SATB1: variants seen among roughly 807,000 people sequenced by gnomAD.
The protein encoded by SATB1 is SATB homeobox 1.
Under a neutral mutation model 86.9 loss-of-function variants are expected in SATB1, and 11 were observed. The observed-to-expected ratio is 0.13, with a 90% CI of 0.08 to 0.21. SATB1 has a LOEUF of 0.21. Ranked by LOEUF, SATB1 falls within the 10% of genes least tolerant of loss-of-function variation. The probability of loss-of-function intolerance (pLI) is 1.00; values close to 1 mark genes in which losing one functional copy is unlikely to be tolerated. For missense variants in SATB1, 551 were observed against 937.6 expected, an observed-to-expected ratio of 0.59 and a Z score of 5.39; for synonymous variants, 357 against 357.2, an observed-to-expected ratio of 1.00 and a Z score of 0.01.
intron 1 of SATB1, among the ~76,000 whole-genome samples, chr3:18,438,296 C>G (rs942889952): frequency 3.9e-5 from 6 of 152,048 alleles, no homozygotes; most frequent in Admixed American, 2.0e-4. Context: ...AAAGAATGCC[C>G]CCTCACACAG....
intron 9 of SATB1, among the ~76,000 whole-genome samples, chr3:18,356,558 G>C (rs549408946): frequency 6.6e-6 from 1 of 151,734 alleles, no homozygotes; most frequent in South Asian, 2.1e-4. Context: ...TCATTTTAAA[G>C]GAAAAATTAG....
intron 9 of SATB1, among the ~76,000 whole-genome samples, chr3:18,363,349 A>G (rs921590595): frequency 1.2e-4 from 19 of 152,146 alleles, no homozygotes; most frequent in African/African-American, 4.1e-4. Flanking sequence ...TGAAAGACCC[A>G]AATCTTGTGA....
At chr3:18,435,158 T>G (rs1260663906) in intron 2 of SATB1, 1 of 152,156 alleles carries the variant, frequency 6.6e-6, no homozygotes, top group Non-Finnish European at 1.5e-5. Flanking sequence ...ATATTAAATA[T>G]TAATAACCTA....
chr3:18,365,102 T>C (rs1442951427), intron 9 of SATB1, among the ~76,000 whole-genome samples: 1 of 152,200 alleles, frequency 6.6e-6, no homozygotes, highest in Non-Finnish European at 1.5e-5. Flanking sequence ...TGAGATTTCA[T>C]TAATTAAATG....
rs1315954149 is a variant in SATB1, at chr3:18,424,341, C to G, written c.-739G>C. Reference sequence around the variant, plus strand: ...CACCCCCACCCCCCTCGCCAACAATCGCGACTAATATTAACAAACCTTAAA... The same window carrying G: ...CACCCCCACCCCCCTCGCCAACAATGGCGACTAATATTAACAAACCTTAAA... On this transcript the variant is annotated 5_prime_UTR_variant, in exon 1 of 11. Coordinates refer to ENST00000338745, the MANE Select transcript of SATB1 (RefSeq NM_002971.6). 6.9e-6 allele frequency: 1 copy of G among 144,836 alleles called. No individual in the cohort carries two copies. Among genetic ancestry groups the G allele is most frequent in the Non-Finnish European group, 1.5e-5 (1 of 66,762 alleles). 9.0% of individuals were successfully genotyped at this position (144,836 alleles called of 1,614,324 possible). A position where few individuals can be genotyped will look rare whatever the true frequency, so the allele number is the denominator to read the frequency against.
intron 7 of SATB1, among the ~76,000 whole-genome samples, chr3:18,387,957 G>A (rs955775485): frequency 2.0e-5 from 3 of 152,122 alleles, no homozygotes; most frequent in Non-Finnish European, 4.4e-5. Context: ...CAATACAAAA[G>A]TACTGATACT....
At chr3:18,404,162 T>C (rs1697405278) in intron 5 of SATB1, among the ~76,000 whole-genome samples, 1 of 152,082 alleles carries the variant, frequency 6.6e-6, no homozygotes, top group South Asian at 2.1e-4. Context: ...AGTTCCCATC[T>C]GGTATTTTGG....
intron 5 of SATB1, among the ~76,000 whole-genome samples, chr3:18,414,017 T>A (rs1364560192): frequency 6.6e-6 from 1 of 152,090 alleles, no homozygotes; most frequent in Non-Finnish European, 1.5e-5. Context: ...TTTGAGAATA[T>A]CTGCTACTCA....
intron 7 of SATB1, among the ~76,000 whole-genome samples, chr3:18,391,485 G>A (rs1696670035): frequency 1.3e-5 from 2 of 149,750 alleles, no homozygotes; most frequent in African/African-American, 4.9e-5. Flanking sequence ...CCACTAAGTC[G>A]TCATCTAGCA....
At position 18,346,567 on chromosome 3, in the gene SATB1, T is replaced by G. The variant is rs543877875; in HGVS notation, c.*2603A>C. 9 of 131,952 alleles carry G rather than the reference T, an allele frequency of 6.8e-5. No individual in the cohort carries two copies. The highest frequency in any genetic ancestry group is 2.5e-4 in the African/African-American group (9 of 36,686). The allele number at this position is 131,952 out of a possible 1,614,324, so 8.2% of individuals were successfully genotyped here. ...TTGCTCACTCCATCCTATCAGTTTA[T>G]TAACATGTGCTTGTGTGTGTGTGTG... On this transcript the variant is annotated 3_prime_UTR_variant, in exon 11 of 11. Coordinates refer to ENST00000338745, the MANE Select transcript of SATB1 (RefSeq NM_002971.6).
At chr3:18,437,265 A>C (rs557307256) in intron 1 of SATB1, among the ~76,000 whole-genome samples, 4 of 152,150 alleles carry the variant, frequency 2.6e-5, no homozygotes, top group African/African-American at 9.6e-5. Flanking sequence ...AATTTGGAAA[A>C]ACTAAAACCA....
intron 5 of SATB1, among the ~76,000 whole-genome samples, chr3:18,411,714 A>G (rs2125150670): frequency 6.6e-6 from 1 of 152,168 alleles, no homozygotes; most frequent in Admixed American, 6.5e-5. Flanking sequence ...CAAAAGTAAC[A>G]ACAAAACATC....
intron 1 of SATB1, chr3:18,421,521 C>A (rs1419874348): frequency 1.3e-5 from 2 of 152,158 alleles, no homozygotes; most frequent in African/African-American, 4.8e-5. Context: ...AGGTAACAAA[C>A]ATCTAACTGC....
intron 9 of SATB1, among the ~76,000 whole-genome samples, chr3:18,355,628 C>T (rs1229186324): frequency 6.6e-6 from 1 of 151,848 alleles, no homozygotes; most frequent in Non-Finnish European, 1.5e-5. Context: ...GAATGAAATG[C>T]AGTGCTTTGT....
chr3:18,440,881 T>C (rs1271112034), upstream of SATB1, among the ~76,000 whole-genome samples: 1 of 152,186 alleles, frequency 6.6e-6, no homozygotes, highest in African/African-American at 2.4e-5. Flanking sequence ...ATACTTAATA[T>C]AATAAGCACA....
chr3:18,369,133 C>G (rs1695328268), intron 9 of SATB1, among the ~76,000 whole-genome samples: 1 of 148,154 alleles, frequency 6.7e-6, no homozygotes, highest in Non-Finnish European at 1.5e-5. Flanking sequence ...TGGTATCTGA[C>G]TATAAAGCCT....
chr3:18,380,611 G>A (rs903378010), intron 8 of SATB1, among the ~76,000 whole-genome samples: 4 of 151,832 alleles, frequency 2.6e-5, no homozygotes, highest in Admixed American at 6.6e-5. Context: ...AAGTTAGAAA[G>A]TATCTCTGTA....
At chr3:18,376,766 G>C (rs578239602) in intron 9 of SATB1, among the ~76,000 whole-genome samples, 1 of 152,270 alleles carries the variant, frequency 6.6e-6, no homozygotes, top group East Asian at 1.9e-4. Context: ...CATGATTCAT[G>C]ACAGAATTTT....
At chr3:18,374,528 T>C (rs1486805766) in intron 9 of SATB1, among the ~76,000 whole-genome samples, 1 of 152,192 alleles carries the variant, frequency 6.6e-6, no homozygotes, top group East Asian at 1.9e-4. Flanking sequence ...GTTTAAAGCA[T>C]ATCATCTTTT....
Sources: allele counts gnomAD v4.1 joint callset (sites outside exome capture counted in the v4.1 genomes callset), GRCh38; gene constraint gnomAD v4.1.1; transcripts MANE v1.5; gene names NCBI Gene and HGNC (gene_info 2026-07-23, HGNC 2026-07-21).